The following MALRD1 variants were observed in gnomAD, a reference collection of about 807,000 sequenced individuals.
The protein encoded by MALRD1 is MAM and LDL receptor class A domain containing 1.
MALRD1 carries 247 observed loss-of-function variants against 242.1 expected under a neutral mutation model. That is an observed-to-expected ratio of 1.02 (90% CI 0.92 to 1.13). The LOEUF (loss-of-function observed/expected upper bound fraction) is 1.13, where lower values mean the gene tolerates loss of function less well. Among genes scored for constraint, MALRD1 ranks in the 50% most tolerant of loss-of-function variants. The pLI is 0.00. For synonymous variants in MALRD1, 995 were observed against 866.6 expected (o/e 1.15, Z -2.60); for missense variants, 2,989 against 2,533.1 (o/e 1.18, Z -3.86).
intron 14 of MALRD1, among the ~76,000 whole-genome samples, chr10:19,190,976 A>T (rs1229232558): frequency 6.6e-6 from 1 of 152,154 alleles, no homozygotes; most frequent in Non-Finnish European, 1.5e-5. Flanking sequence ...GAGCTTTAAA[A>T]TTTTTTGCAT....
At chr10:19,143,740 A>T (rs1833630003) in intron 10 of MALRD1, among the ~76,000 whole-genome samples, 1 of 152,200 alleles carries the variant, frequency 6.6e-6, no homozygotes, top group African/African-American at 2.4e-5. Flanking sequence ...ACTTTGAAGC[A>T]CATTTCAGAG....
intron 2 of MALRD1, among the ~76,000 whole-genome samples, chr10:19,079,463 G>A (rs965414779): frequency 2.6e-5 from 4 of 151,782 alleles, no homozygotes; most frequent in African/African-American, 7.2e-5. Context: ...GTTGTTGGGT[G>A]GAGCAAGTGT....
chr10:19,498,487 C>T lies in MALRD1; in HGVS notation c.5161C>T (p.His1721Tyr). 3.9e-6 allele frequency: 6 copies of T among 1,549,152 alleles called. No individual in the cohort carries two copies. The highest frequency in any genetic ancestry group is 5.2e-6 in the Non-Finnish European group (6 of 1,145,986). ...CATTAATGTTTTTGCTTCCCCAGCA[C>T]ATTATACAAGCACAACAGGAAGCTG... is the stretch of plus-strand genomic sequence containing the variant. ...SDRSDEAHCA[H>Y]YTSTTGSCNF... The change falls in exon 31 of 40, where the codon CAT becomes TAT. Residue 1721 changes from histidine (H) to tyrosine (Y), a missense_variant and splice_region_variant. Transcript: ENST00000454679.
intron 4 of MALRD1, among the ~76,000 whole-genome samples, chr10:19,095,262 T>A (rs1835983432): frequency 6.6e-6 from 1 of 152,204 alleles, no homozygotes; most frequent in Non-Finnish European, 1.5e-5. Context: ...TGGCATAGTT[T>A]CTTAATTGAT....
rs1266668621 is a variant in MALRD1, at chr10:19,215,048, G to A, written c.2991+5368G>A. Among the ~76,000 whole-genome samples, 3 of 152,140 alleles carry A rather than the reference G, an allele frequency of 2.0e-5. No individual in the cohort carries two copies. In the East Asian group the frequency reaches 5.8e-4, roughly 29 times the overall value. Reference sequence around the variant, plus strand: ...CCAAAAAACTGTTGCCATGACCTTTGCTCTTGAGTGATCCCCTTTTGCTTT... The same window carrying A: ...CCAAAAAACTGTTGCCATGACCTTTACTCTTGAGTGATCCCCTTTTGCTTT... On this transcript the variant is annotated intron_variant, in intron 18 of 39. Coordinates refer to ENST00000454679, the MANE Select transcript of MALRD1 (RefSeq NM_001142308.3).
At chr10:19,307,034 C>G (rs1171301333) in intron 21 of MALRD1, among the ~76,000 whole-genome samples, 4 of 151,444 alleles carry the variant, frequency 2.6e-5, no homozygotes, top group African/African-American at 9.7e-5. Context: ...TCATGCTGAA[C>G]AGAGGGTATA....
chr10:19,448,333 T>C (rs189833658), intron 28 of MALRD1, among the ~76,000 whole-genome samples: 33 of 152,312 alleles, frequency 2.2e-4, no homozygotes, highest in African/African-American at 7.9e-4. Context: ...TTACAAGCTT[T>C]AGAGACAAAG....
chr10:19,575,823 G>A (rs563357603), intron 33 of MALRD1, among the ~76,000 whole-genome samples: 1 of 152,174 alleles, frequency 6.6e-6, no homozygotes, highest in South Asian at 2.1e-4. Flanking sequence ...GTTCTCATTT[G>A]AGACCTTATG....
chr10:19,547,799 T>TAC (rs1835279753), intron 32 of MALRD1, among the ~76,000 whole-genome samples: 1 of 13,674 alleles, frequency 7.3e-5, no homozygotes, highest in African/African-American at 2.1e-4. Context: ...TATATATATA[T>TAC]ATATATATAT....
intron 38 of MALRD1, among the ~76,000 whole-genome samples, chr10:19,704,995 G>T (rs1233101767): frequency 6.6e-6 from 1 of 152,114 alleles, no homozygotes; most frequent in Non-Finnish European, 1.5e-5. Flanking sequence ...AAAAAAGAAA[G>T]AAAGGTGATT....
Position 19,087,926 on chromosome 10 carries a change from G to A in MALRD1, c.427G>A (p.Asp143Asn). Residue 143 changes from aspartate (D) to asparagine (N), a missense_variant, in exon 3 of 40, where the codon GAC (aspartate) becomes AAC (asparagine). By Grantham distance (23) the Asp-to-Asn change is conservative (BLOSUM62 1). Coordinates refer to ENST00000454679, the MANE Select transcript of MALRD1 (RefSeq NM_001142308.3). ...RVFLPTNDQH[D>N]CQITFYYFSC... ...TTTCCTTCCAACAAATGATCAACAT[G>A]ACTGCCAGGTATTTGAAAGCACACA... The A allele has an allele frequency of 1.6e-6, 2 of 1,232,362 alleles. No individual in the cohort carries two copies. Among genetic ancestry groups the A allele is most frequent in the Non-Finnish European group, 2.0e-6 (2 of 987,182 alleles). 76.3% of individuals were successfully genotyped at this position (1,232,362 alleles called of 1,614,324 possible). A position where few individuals can be genotyped will look rare whatever the true frequency, so the allele number is the denominator to read the frequency against.
At chr10:19,123,711 T>C (rs1837149987) in intron 6 of MALRD1, 118 bp downstream of exon 6, 1 of 499,944 alleles carries the variant, frequency 2.0e-6, no homozygotes, top group Non-Finnish European at 3.1e-6. Flanking sequence ...TAGTTTTAGC[T>C]GGAGTGTTTT....
At chr10:19,267,697 C>T (rs539534756) in intron 19 of MALRD1, among the ~76,000 whole-genome samples, 1 of 152,056 alleles carries the variant, frequency 6.6e-6, no homozygotes, top group Non-Finnish European at 1.5e-5. Flanking sequence ...TAATAAATTA[C>T]ATGAAAGCAC....
At chr10:19,346,317 G>T (rs1389806923) in intron 24 of MALRD1, among the ~76,000 whole-genome samples, 1 of 152,196 alleles carries the variant, frequency 6.6e-6, no homozygotes. Flanking sequence ...CATAGCATCT[G>T]TGGGGTTATC....
intron 36 of MALRD1, among the ~76,000 whole-genome samples, chr10:19,626,184 C>A (rs1418975835): frequency 6.6e-6 from 1 of 151,808 alleles, no homozygotes. Flanking sequence ...AAGTTGAATA[C>A]GTTGGTGGAC....
chr10:19,161,550 CA>C, intron 12 of MALRD1, among the ~76,000 whole-genome samples: 1,506 of 60,822 alleles, frequency 0.025, 18 homozygotes, highest in African/African-American at 0.041. Context: ...AAAAAAAAAG[CA>C]AAAAAAAAAA....
At chr10:19,175,972 C>G (rs1025158324) in intron 14 of MALRD1, among the ~76,000 whole-genome samples, 22 of 152,118 alleles carry the variant, frequency 1.4e-4, no homozygotes, top group African/African-American at 5.3e-4. Flanking sequence ...ATTCTGGGAT[C>G]ATGTACACAT....
At chr10:19,167,567 T>TA (rs756221886) in intron 13 of MALRD1, among the ~76,000 whole-genome samples, 2 of 152,032 alleles carry the variant, frequency 1.3e-5, no homozygotes, top group African/African-American at 4.8e-5. Flanking sequence ...GTCACTTATT[T>TA]AAAATAATGC....
At chr10:19,100,747 T>G (rs1836220432) in intron 4 of MALRD1, among the ~76,000 whole-genome samples, 1 of 152,124 alleles carries the variant, frequency 6.6e-6, no homozygotes, top group Non-Finnish European at 1.5e-5. Flanking sequence ...GATGAACATT[T>G]GTTATGTAAG....
Sources: allele counts gnomAD v4.1 joint callset (sites outside exome capture counted in the v4.1 genomes callset), GRCh38; gene constraint gnomAD v4.1.1; transcripts MANE v1.5; gene names NCBI Gene and HGNC (gene_info 2026-07-23, HGNC 2026-07-21).